Variants in TTLL5 observed in about 807,000 individuals in gnomAD.
TTLL5 encodes tubulin polyglutamylase TTLL5.
TTLL5 carries 132 observed loss-of-function variants against 168.4 expected under a neutral mutation model. The observed-to-expected ratio is 0.78, with a 90% CI of 0.68 to 0.91. The LOEUF (loss-of-function observed/expected upper bound fraction) is 0.91. TTLL5 is among the 40% of genes least tolerant of loss of function. The probability of loss-of-function intolerance (pLI) is 0.00; values close to 1 mark genes in which losing one functional copy is unlikely to be tolerated. For synonymous variants in TTLL5, 546 were observed against 558.6 expected, an observed-to-expected ratio of 0.98 and a Z score of 0.32; for missense variants, 1,545 against 1,581.5, an observed-to-expected ratio of 0.98 and a Z score of 0.39.
chr14:75,913,727 T>G lies in TTLL5; in HGVS notation c.3823+11503T>G, dbSNP rs564014248. On this transcript the variant is annotated intron_variant, in intron 31 of 31. Transcript: ENST00000298832. The stretch of plus-strand genomic sequence containing the variant: ...GCCTACATATGCAAATTCTTCCTAT[T>G]CTTAGGCCAAGCTCAGTGGCTCACA... Among the ~76,000 whole-genome samples the G allele has an allele frequency of 3.8e-4, 58 of 152,104 alleles. 1 individual carries two copies. In the South Asian group the frequency reaches 9.6e-3, roughly 25 times the overall value.
intron 28 of TTLL5, among the ~76,000 whole-genome samples, chr14:75,842,709 G>GT (rs1395727852): frequency 6.6e-6 from 1 of 152,198 alleles, no homozygotes; most frequent in African/African-American, 2.4e-5. Flanking sequence ...TAGAAAATGG[G>GT]TGGGGGTTGG....
intron 28 of TTLL5, among the ~76,000 whole-genome samples, chr14:75,827,272 A>G (rs1021604380): frequency 1.4e-4 from 21 of 152,330 alleles, no homozygotes; most frequent in Middle Eastern, 3.4e-3. Flanking sequence ...CTCACGTACA[A>G]TAAAATACAG....
intron 28 of TTLL5, among the ~76,000 whole-genome samples, chr14:75,845,676 T>C (rs576000917): frequency 6.6e-6 from 1 of 152,336 alleles, no homozygotes; most frequent in South Asian, 2.1e-4. Context: ...ATTGTTATCC[T>C]CGTGTGTAAA....
At chr14:75,873,787 A>T (rs1246611451) in intron 29 of TTLL5, among the ~76,000 whole-genome samples, 1 of 152,102 alleles carries the variant, frequency 6.6e-6, no homozygotes, top group Non-Finnish European at 1.5e-5. Context: ...ACGGATGTAC[A>T]AATATCTCTT....
intron 12 of TTLL5, among the ~76,000 whole-genome samples, chr14:75,727,508 A>C (rs1888254925): frequency 1.3e-5 from 2 of 152,196 alleles, no homozygotes; most frequent in Admixed American, 1.3e-4. Flanking sequence ...AAGCAGACAA[A>C]AATGAGATCA....
intron 15 of TTLL5, among the ~76,000 whole-genome samples, chr14:75,741,472 CTGT>C (rs1889263272): frequency 6.7e-6 from 1 of 149,438 alleles, no homozygotes; most frequent in Non-Finnish European, 1.5e-5. Flanking sequence ...TGCGTTTGGA[CTGT>C]TTTGCCCTTG....
At chr14:75,709,329 T>C (rs1287296188) in intron 9 of TTLL5, 1 of 648,718 alleles carries the variant, frequency 1.5e-6, no homozygotes, top group Non-Finnish European at 2.8e-6. Context: ...TTCACATGTA[T>C]CCTATGACTT....
At chr14:75,714,982 G>C (rs893411033) in intron 9 of TTLL5, among the ~76,000 whole-genome samples, 3 of 152,156 alleles carry the variant, frequency 2.0e-5, no homozygotes, top group African/African-American at 4.8e-5. Flanking sequence ...GTTTATACTA[G>C]TACGCACAAT....
intron 28 of TTLL5, among the ~76,000 whole-genome samples, chr14:75,850,053 C>T (rs2139883827): frequency 6.6e-6 from 1 of 151,864 alleles, no homozygotes; most frequent in Non-Finnish European, 1.5e-5. Context: ...TTGCAGTAAA[C>T]CGAGATCATA....
intron 23 of TTLL5, 94 bp from the exon 24 acceptor site, chr14:75,779,481 C>T: frequency 6.5e-6 from 10 of 1,542,448 alleles, no homozygotes; most frequent in Admixed American, 4.4e-5. Context: ...TCATTTTTCC[C>T]TTTTCCAGCT....
intron 31 of TTLL5, among the ~76,000 whole-genome samples, chr14:75,910,853 T>G (rs2033349778): frequency 6.6e-6 from 1 of 152,232 alleles, no homozygotes; most frequent in South Asian, 2.1e-4. Context: ...GTCCTCAAAA[T>G]GAAGAGCATT....
intron 18 of TTLL5, 148 bp downstream of exon 18, chr14:75,753,103 C>G: frequency 1.5e-6 from 1 of 653,022 alleles, no homozygotes; most frequent in Admixed American, 3.1e-5. Flanking sequence ...TATCATGACT[C>G]ATTTTTCCAG....
At position 75,886,770 on chromosome 14, in the gene TTLL5, G is replaced by A. The variant is rs770449511; in HGVS notation, c.3740+3868G>A. ...CCAAGCAGTCAGCTGAACTGAGGAC[G>A]ACAGCCTACAAACAACTACATGCAT... On this transcript the variant is annotated intron_variant, in intron 30 of 31. Coordinates refer to ENST00000298832, the MANE Select transcript of TTLL5 (RefSeq NM_015072.5). The A allele has an allele frequency of 5.0e-6, 8 of 1,596,366 alleles. No individual in the cohort carries two copies. In the East Asian group the frequency reaches 6.7e-5, roughly 13 times the overall value.
intron 31 of TTLL5, among the ~76,000 whole-genome samples, chr14:75,946,226 A>G (rs1211868072): frequency 6.6e-6 from 1 of 152,246 alleles, no homozygotes; most frequent in African/African-American, 2.4e-5. Flanking sequence ...TGTCCAAACC[A>G]TCATATCATG....
At chr14:75,826,180 C>T (rs1895118528) in intron 28 of TTLL5, among the ~76,000 whole-genome samples, 1 of 152,016 alleles carries the variant, frequency 6.6e-6, no homozygotes, top group Non-Finnish European at 1.5e-5. Context: ...GCATGGAATG[C>T]AGTGTTTGCA....
At chr14:75,667,332 T>C (rs1248242430) in intron 2 of TTLL5, among the ~76,000 whole-genome samples, 2 of 152,242 alleles carry the variant, frequency 1.3e-5, no homozygotes, top group Non-Finnish European at 2.9e-5. Flanking sequence ...TTGGATAGTT[T>C]CCAGAGTTCC....
At chr14:75,900,915 C>T (rs528351863) in intron 30 of TTLL5, among the ~76,000 whole-genome samples, 40 of 152,280 alleles carry the variant, frequency 2.6e-4, no homozygotes, top group African/African-American at 7.5e-4. Flanking sequence ...CGTGCTTTAA[C>T]GTATCTCCTC....
intron 12 of TTLL5, among the ~76,000 whole-genome samples, chr14:75,723,178 C>T (rs1009050490): frequency 2.0e-5 from 3 of 152,138 alleles, no homozygotes; most frequent in African/African-American, 7.2e-5. Context: ...TGGCCTTGAA[C>T]TCCTGGGCCC....
At chr14:75,758,519 A>G (rs1048302623) in intron 18 of TTLL5, among the ~76,000 whole-genome samples, 1 of 152,174 alleles carries the variant, frequency 6.6e-6, no homozygotes, top group African/African-American at 2.4e-5. Flanking sequence ...AATCTTAAAC[A>G]TTAAGAATAA....
Sources: gnomAD v4.1 joint callset for allele counts (sites outside exome capture counted in the v4.1 genomes callset) on GRCh38, gnomAD v4.1.1 for gene constraint, MANE v1.5 for transcripts, NCBI Gene and HGNC (gene_info 2026-07-23, HGNC 2026-07-21) for gene names.